FRMPD4: variants seen among roughly 807,000 people sequenced by gnomAD.
FRMPD4 encodes FERM and PDZ domain-containing protein 4.
FRMPD4 carries 22 observed loss-of-function variants against 94.1 expected under a neutral mutation model. That is an observed-to-expected ratio of 0.23 (90% CI 0.17 to 0.33). The LOEUF (loss-of-function observed/expected upper bound fraction) is 0.33. Among genes scored for constraint, FRMPD4 ranks in the 10% least tolerant of loss-of-function variants. The probability of loss-of-function intolerance (pLI) is 1.00; values close to 1 mark genes in which losing one functional copy is unlikely to be tolerated. For missense variants in FRMPD4, 1,111 were observed against 1,339.9 expected (o/e 0.83, Z 2.67); for synonymous variants, 631 against 548.6 (o/e 1.15, Z -2.10).
chrX:12,655,292 T>C (rs2059642049), intron 4 of FRMPD4, among the ~76,000 whole-genome samples: 1 of 112,294 alleles, frequency 8.9e-6, no homozygotes, highest in Non-Finnish European at 1.9e-5. Flanking sequence ...GAATGACTGC[T>C]GTGACGATTG....
intron 1 of FRMPD4, among the ~76,000 whole-genome samples, chrX:12,225,256 T>C (rs1192580094): frequency 8.9e-6 from 1 of 112,262 alleles, no homozygotes; most frequent in Non-Finnish European, 1.9e-5. Context: ...AGGAATAAAA[T>C]GTTACTTGCA....
intron 2 of FRMPD4, among the ~76,000 whole-genome samples, chrX:12,580,727 T>G (rs1395868647): frequency 9.0e-6 from 1 of 111,522 alleles, no homozygotes; most frequent in Non-Finnish European, 1.9e-5. Context: ...GAGGATCACC[T>G]GCCTCTGATG....
intron 1 of FRMPD4, 54 bp downstream of exon 1, chrX:12,139,066 G>C: frequency 2.0e-6 from 2 of 1,004,447 alleles, no homozygotes; most frequent in Non-Finnish European, 2.6e-6. Context: ...CGGGCAACTT[G>C]GTGCCTTATT....
intron 2 of FRMPD4, among the ~76,000 whole-genome samples, chrX:12,535,477 T>A (rs1185053627): frequency 8.9e-6 from 1 of 112,247 alleles, no homozygotes; most frequent in African/African-American, 3.2e-5. Context: ...GAAGTCAGCA[T>A]GACACAATAG....
chrX:11,926,007 G>T (rs982574960), intron 3 of FRMPD4, among the ~76,000 whole-genome samples: 1 of 110,430 alleles, frequency 9.1e-6, no homozygotes, highest in African/African-American at 3.3e-5. Context: ...TAATAAAAAA[G>T]AAAAGAGAGA....
chrX:12,227,219 T>C (rs1340488967), intron 1 of FRMPD4, among the ~76,000 whole-genome samples: 1 of 111,404 alleles, frequency 9.0e-6, no homozygotes, highest in Admixed American at 9.6e-5. Context: ...TTCTGGAGGT[T>C]ATGGCACTGG....
intron 1 of FRMPD4, among the ~76,000 whole-genome samples, chrX:12,418,006 A>C (rs1360421836): frequency 9.2e-6 from 1 of 108,799 alleles, no homozygotes; most frequent in African/African-American, 3.3e-5. Flanking sequence ...AAAAAAAAAA[A>C]AAAAAACAAA....
intron 1 of FRMPD4, among the ~76,000 whole-genome samples, chrX:12,194,972 T>A (rs2056549564): frequency 8.9e-6 from 1 of 112,358 alleles, no homozygotes; most frequent in Non-Finnish European, 1.9e-5. Context: ...CTTAATTCTA[T>A]CCTTTCTTTT....
rs151227565 is a variant in FRMPD4, at chrX:12,701,966, C to T, written c.1026C>T (p.Thr342=). The part of the protein sequence containing the change: ...RLAALQMYIA[T]VTTKQTQKIS... ...CCGCATTACAAATGTACATTGCAAC[C>T]GTTACCACCAAGCAAACGCAGAAAA... is the stretch of plus-strand genomic sequence containing the variant. Residue 342 remains threonine (T), a synonymous_variant, in exon 10 of 17, where the codon ACC becomes ACT. Coordinates refer to ENST00000675598, the MANE Select transcript of FRMPD4 (RefSeq NM_001368397.1). 4.1e-6 allele frequency: 5 copies of T among 1,209,307 alleles called. No homozygotes were observed. Among genetic ancestry groups the T allele is most frequent in the Non-Finnish European group, 4.5e-6 (4 of 893,442 alleles).
chrX:12,237,360 T>A (rs2057082067), intron 1 of FRMPD4, among the ~76,000 whole-genome samples: 1 of 111,914 alleles, frequency 8.9e-6, no homozygotes, highest in South Asian at 3.7e-4. Flanking sequence ...CAGAGAAGGA[T>A]CATTTCCTGC....
chrX:12,114,045 T>C (rs5979512), intron 3 of FRMPD4, among the ~76,000 whole-genome samples: 5,487 of 111,938 alleles, frequency 0.049, 306 homozygotes, highest in African/African-American at 0.17. Context: ...TGTATCTTTT[T>C]AAACTATATT....
chrX:12,239,230 G>T (rs2057103451), intron 1 of FRMPD4, among the ~76,000 whole-genome samples: 1 of 111,963 alleles, frequency 8.9e-6, no homozygotes, highest in African/African-American at 3.2e-5. Flanking sequence ...ATTATCCTTG[G>T]CAAATGTTTA....
At chrX:12,571,804 C>G (rs2058763275) in intron 2 of FRMPD4, among the ~76,000 whole-genome samples, 1 of 112,266 alleles carries the variant, frequency 8.9e-6, no homozygotes, top group African/African-American at 3.2e-5. Context: ...AATTTCCCAG[C>G]TCTAAAGCTA....
At chrX:11,958,831 GAACT>G (rs2054269504) in intron 3 of FRMPD4, among the ~76,000 whole-genome samples, 1 of 111,751 alleles carries the variant, frequency 8.9e-6, no homozygotes, top group Non-Finnish European at 1.9e-5. Context: ...CGCAAATTTG[GAACT>G]AATTCTCATG....
At chrX:11,880,159 A>G (rs2053805815) in intron 3 of FRMPD4, among the ~76,000 whole-genome samples, 1 of 111,468 alleles carries the variant, frequency 9.0e-6, no homozygotes, top group Non-Finnish European at 1.9e-5. Context: ...TTCTGAAACC[A>G]GCTTGATCTG....
At chrX:12,704,324 G>T (rs1454567113) in intron 10 of FRMPD4, 35 bp from the exon 11 acceptor site, 17 of 1,085,741 alleles carry the variant, frequency 1.6e-5, no homozygotes, top group Non-Finnish European at 2.1e-5. Flanking sequence ...CATCATCACA[G>T]AAATGTGAAA....
At chrX:12,690,082 G>A (rs754235659) in intron 7 of FRMPD4, 113 bp from the exon 8 acceptor site, 13 of 502,519 alleles carry the variant, frequency 2.6e-5, no homozygotes, top group African/African-American at 1.9e-4. Context: ...TCAACCAAAC[G>A]TATAAAATTT....
intron 1 of FRMPD4, among the ~76,000 whole-genome samples, chrX:12,242,674 C>A (rs903977583): frequency 1.8e-5 from 2 of 112,507 alleles, no homozygotes; most frequent in Non-Finnish European, 3.8e-5. Context: ...ATTGGATTGA[C>A]CTGTATGCAA....
chrX:12,479,633 C>G (rs1452653325), intron 1 of FRMPD4, among the ~76,000 whole-genome samples: 1 of 107,503 alleles, frequency 9.3e-6, no homozygotes, highest in Non-Finnish European at 1.9e-5. Context: ...TCCAAAGTAG[C>G]TAGCACTACA....
Sources: allele counts gnomAD v4.1 joint callset (sites outside exome capture counted in the v4.1 genomes callset), GRCh38; gene constraint gnomAD v4.1.1; transcripts MANE v1.5; gene names NCBI Gene and HGNC (gene_info 2026-07-23, HGNC 2026-07-21).